Variants in C5orf46 observed in about 807,000 individuals in gnomAD.
C5orf46 encodes the protein chromosome 5 open reading frame 46.
C5orf46 carries 9 observed loss-of-function variants against 8.9 expected under a neutral mutation model. The observed-to-expected ratio is 1.01, with a 90% CI of 0.61 to 1.76. The LOEUF (loss-of-function observed/expected upper bound fraction) is 1.76. C5orf46 is among the 40% of genes most tolerant of loss of function. The pLI is 0.00. For missense variants in C5orf46, 98 were observed against 107.8 expected, an observed-to-expected ratio of 0.91 and a Z score of 0.40; for synonymous variants, 47 against 41.4, an observed-to-expected ratio of 1.14 and a Z score of -0.52.
chr5:147,906,332 A>T, intron 1 of C5orf46, 100 bp downstream of exon 1: 1 of 656,166 alleles, frequency 1.5e-6, no homozygotes, highest in Non-Finnish European at 2.5e-6. Flanking sequence ...GAGTGCCCAA[A>T]GACCCCTTCT....
chr5:147,901,369 T>C lies in C5orf46; in HGVS notation c.215+260A>G, dbSNP rs372913245. The stretch of plus-strand genomic sequence containing the variant: ...TCTAGTGTTCTTCCTCCTCCCTATT[T>C]GCTCCTGAGATTAAAAAGAAAAAAA... On this transcript the variant is annotated intron_variant, in intron 2 of 3. Coordinates refer to ENST00000318315, the MANE Select transcript of C5orf46 (RefSeq NM_206966.3). 59 of 266,912 alleles carry C rather than the reference T, an allele frequency of 2.2e-4. 1 individual carries two copies. Among genetic ancestry groups the C allele is most frequent in the East Asian group, 2.1e-3 (31 of 14,532 alleles). 16.5% of individuals were successfully genotyped at this position (266,912 alleles called of 1,614,324 possible).
chr5:147,900,784 G>A (rs562294448), intron 2 of C5orf46, among the ~76,000 whole-genome samples: 97 of 152,366 alleles, frequency 6.4e-4, no homozygotes, highest in Admixed American at 1.0e-3. Context: ...TTAGAGAGCA[G>A]AGGCTTAGAG....
intron 1 of C5orf46, among the ~76,000 whole-genome samples, chr5:147,905,406 G>C (rs1157366433): frequency 6.6e-6 from 1 of 152,142 alleles, no homozygotes; most frequent in Non-Finnish European, 1.5e-5. Flanking sequence ...GCCTGGTCTT[G>C]GTATCAAATC....
Position 147,896,994 on chromosome 5 carries a change from C to A in C5orf46, c.263G>T (p.Ter88LeuextTer68). 1 of 1,501,248 alleles carries A rather than the reference C, an allele frequency of 6.7e-7. No homozygotes were observed. Among genetic ancestry groups the A allele is most frequent in the South Asian group, 1.2e-5 (1 of 83,518 alleles). 93.0% of individuals were successfully genotyped at this position (1,501,248 alleles called of 1,614,324 possible). A position where few individuals can be genotyped will look rare whatever the true frequency, so the allele number is the denominator to read the frequency against. Residue 88 changes from the stop codon to leucine (L), a stop_lost, in exon 3 of 4, where the codon TGA becomes TTA. Transcript: ENST00000318315. ...DDNEGKHSSK* is the reference protein window; with the variant it reads ...DDNEGKHSSKL ...TAAGTGAAAAATCACCTGAGGATGT[C>A]ACTTTGATGAATGTTTTCCTTCATT...
intron 2 of C5orf46, chr5:147,887,168 T>C (rs1040429916): frequency 6.6e-6 from 1 of 152,138 alleles, no homozygotes; most frequent in African/African-American, 2.4e-5. Flanking sequence ...TATTTTTTAT[T>C]TTAGAAAGCA....
At chr5:147,890,708 G>A (rs1757490317), downstream of C5orf46, among the ~76,000 whole-genome samples, 1 of 152,072 alleles carries the variant, frequency 6.6e-6, no homozygotes, top group Non-Finnish European at 1.5e-5. Context: ...AAGAGGAAAT[G>A]TAAGGCCCTA....
chr5:147,892,996 C>A (rs1336266770), intron 3 of C5orf46, 57 bp from the exon 4 acceptor site: 1 of 152,178 alleles, frequency 6.6e-6, no homozygotes, highest in East Asian at 1.9e-4. Context: ...TGGTTTAAGA[C>A]GTTAAATAAA....
At position 147,904,898 on chromosome 5, in the gene C5orf46, T is replaced by C. The variant is rs1213809679; in HGVS notation, c.70+1534A>G. On this transcript the variant is annotated intron_variant, in intron 1 of 3. Transcript: ENST00000318315. ...CATACATATATCATATATATACCAC[T>C]TATCGTAGTACCAATCCCAAGATAA... Among the ~76,000 whole-genome samples, 3 of 149,880 alleles carry C rather than the reference T, an allele frequency of 2.0e-5. No individual in the cohort carries two copies. In the East Asian group the frequency reaches 5.8e-4, roughly 29 times the overall value.
chr5:147,904,682 T>C (rs1214026663), intron 1 of C5orf46, among the ~76,000 whole-genome samples: 1 of 152,136 alleles, frequency 6.6e-6, no homozygotes, highest in Non-Finnish European at 1.5e-5. Flanking sequence ...GTGTGATGGA[T>C]TGCATGCTCT....
intron 2 of C5orf46, among the ~76,000 whole-genome samples, chr5:147,900,113 T>C (rs1169345738): frequency 6.6e-6 from 1 of 152,232 alleles, no homozygotes; most frequent in Non-Finnish European, 1.5e-5. Flanking sequence ...GTAACAATAC[T>C]AATTCAACTG....
chr5:147,901,458 T>A, intron 2 of C5orf46, 171 bp downstream of exon 2: 1 of 568,926 alleles, frequency 1.8e-6, no homozygotes, highest in South Asian at 3.2e-5. Context: ...CTCAGGGCAG[T>A]TGATTCAGAT....
chr5:147,901,512 A>C, intron 2 of C5orf46, 117 bp downstream of exon 2: 1 of 873,240 alleles, frequency 1.1e-6, no homozygotes, highest in Non-Finnish European at 1.7e-6. Flanking sequence ...AATGAAAAAT[A>C]ACACATTTAC....
chr5:147,900,165 T>C (rs529687386), intron 2 of C5orf46, among the ~76,000 whole-genome samples: 1 of 152,310 alleles, frequency 6.6e-6, no homozygotes, highest in South Asian at 2.1e-4. Context: ...GGTGCTCCTA[T>C]TGTCGGCCTA....
At chr5:147,896,247 AT>A (rs1273881403) in intron 3 of C5orf46, among the ~76,000 whole-genome samples, 1 of 152,168 alleles carries the variant, frequency 6.6e-6, no homozygotes, top group Non-Finnish European at 1.5e-5. Context: ...TTGTGTCTTC[AT>A]CCTTTATCAA....
At chr5:147,894,391 G>A (rs1218928849) in intron 3 of C5orf46, among the ~76,000 whole-genome samples, 4 of 152,118 alleles carry the variant, frequency 2.6e-5, no homozygotes, top group Non-Finnish European at 5.9e-5. Context: ...ATGTTGTTCA[G>A]TAGAGGCTGA....
chr5:147,891,284 C>A (rs190833325), downstream of C5orf46, among the ~76,000 whole-genome samples: 1 of 152,192 alleles, frequency 6.6e-6, no homozygotes, highest in Non-Finnish European at 1.5e-5. Flanking sequence ...AAGAAAAATT[C>A]TATGCAGATG....
intron 3 of C5orf46, among the ~76,000 whole-genome samples, chr5:147,896,217 T>A (rs953644772): frequency 5.3e-5 from 8 of 152,196 alleles, no homozygotes; most frequent in Non-Finnish European, 1.0e-4. Flanking sequence ...GGCCTTGGAA[T>A]CAGGCTGCTT....
chr5:147,895,172 G>A (rs1003935795), intron 3 of C5orf46, among the ~76,000 whole-genome samples: 3 of 152,014 alleles, frequency 2.0e-5, no homozygotes, highest in Non-Finnish European at 2.9e-5. Flanking sequence ...CCTATAATCG[G>A]AACAGTTTAG....
chr5:147,897,403 T>A (rs931184079), intron 2 of C5orf46, among the ~76,000 whole-genome samples: 2 of 152,220 alleles, frequency 1.3e-5, no homozygotes, highest in Non-Finnish European at 2.9e-5. Context: ...TCTCTTTTTA[T>A]GTGTGAGAAA....
Sources: gnomAD v4.1 joint callset for allele counts (sites outside exome capture counted in the v4.1 genomes callset) on GRCh38, gnomAD v4.1.1 for gene constraint, MANE v1.5 for transcripts, NCBI Gene and HGNC (gene_info 2026-07-23, HGNC 2026-07-21) for gene names.